Variants in CDH12 observed in about 807,000 individuals in gnomAD.
CDH12 encodes the protein cadherin-12.
CDH12 carries 41 observed loss-of-function variants against 74.1 expected under a neutral mutation model. The ratio of observed to expected loss-of-function variants is 0.55; its 90% confidence interval spans 0.43 to 0.72. CDH12 has a LOEUF of 0.72. Among genes scored for constraint, CDH12 ranks in the 30% least tolerant of loss-of-function variants. CDH12 has a pLI of 0.00. For missense variants in CDH12, 945 were observed against 977.2 expected (o/e 0.97, Z 0.44); for synonymous variants, 399 against 355.0 (o/e 1.12, Z -1.39).
intron 3 of CDH12, among the ~76,000 whole-genome samples, chr5:22,324,847 A>T (rs1739018513): frequency 6.6e-6 from 1 of 152,158 alleles, no homozygotes; most frequent in African/African-American, 2.4e-5. Context: ...CTAATTTGTA[A>T]TCAAATATAA....
intron 4 of CDH12, among the ~76,000 whole-genome samples, chr5:22,121,607 A>G (rs1360299042): frequency 6.6e-6 from 1 of 152,162 alleles, no homozygotes; most frequent in Admixed American, 6.5e-5. Flanking sequence ...ATTAACATTA[A>G]GTTTTTGTCT....
At chr5:22,771,865 C>T (rs187449426) in intron 1 of CDH12, among the ~76,000 whole-genome samples, 1 of 152,034 alleles carries the variant, frequency 6.6e-6, no homozygotes. Context: ...ACCTGCCAAC[C>T]TTTGCAATTA....
At chr5:22,129,882 T>C (rs1746088824) in intron 4 of CDH12, among the ~76,000 whole-genome samples, 1 of 152,072 alleles carries the variant, frequency 6.6e-6, no homozygotes, top group Non-Finnish European at 1.5e-5. Flanking sequence ...AGAATAATTG[T>C]AAAGATATGG....
chr5:21,853,486 T>C (rs574047541), intron 7 of CDH12, among the ~76,000 whole-genome samples: 12 of 151,708 alleles, frequency 7.9e-5, no homozygotes, highest in Non-Finnish European at 1.2e-4. Flanking sequence ...CTGGCCCCTA[T>C]TGGCTTAATG....
At chr5:21,833,489 T>G (rs1267535835) in intron 8 of CDH12, among the ~76,000 whole-genome samples, 4 of 107,850 alleles carry the variant, frequency 3.7e-5, no homozygotes, top group African/African-American at 1.4e-4. Context: ...ATATTATATA[T>G]CATATGTAAT....
intron 1 of CDH12, among the ~76,000 whole-genome samples, chr5:22,746,543 A>G (rs1049050961): frequency 6.6e-6 from 1 of 152,222 alleles, no homozygotes; most frequent in East Asian, 1.9e-4. Flanking sequence ...ACACCAAGAA[A>G]GAGTTAGACA....
intron 6 of CDH12, among the ~76,000 whole-genome samples, chr5:21,932,975 G>T (rs1754911106): frequency 6.7e-6 from 1 of 150,078 alleles, no homozygotes; most frequent in African/African-American, 2.5e-5. Context: ...ATTGTATCTA[G>T]TATCTCAGGA....
intron 4 of CDH12, among the ~76,000 whole-genome samples, chr5:22,200,776 TGAA>T (rs1256688721): frequency 6.6e-6 from 1 of 152,208 alleles, no homozygotes; most frequent in Non-Finnish European, 1.5e-5. Flanking sequence ...ATTTTTAATT[TGAA>T]GAAGATCACT....
At position 22,685,786 on chromosome 5, in the gene CDH12, T is replaced by A. The variant is rs114445002; in HGVS notation, c.-523+167272A>T. On this transcript the variant is annotated intron_variant, in intron 1 of 14. Coordinates refer to ENST00000382254, the MANE Select transcript of CDH12 (RefSeq NM_004061.5). Reference sequence around the variant, plus strand: ...TTGTGGATAGAACACATCGTGTTTATCCATTCATCAGTTGGTGGACATTTG... The same window carrying A: ...TTGTGGATAGAACACATCGTGTTTAACCATTCATCAGTTGGTGGACATTTG... 4.7e-4 allele frequency among the ~76,000 whole-genome samples: 72 copies of A among 152,348 alleles called. 1 individual carries two copies. Among genetic ancestry groups the A allele is most frequent in the African/African-American group, 1.7e-3 (70 of 41,588 alleles).
At position 22,180,616 on chromosome 5, in the gene CDH12, C is replaced by A. The variant is rs551673212; in HGVS notation, c.-187+31882G>T. On this transcript the variant is annotated intron_variant, in intron 4 of 14. Coordinates refer to ENST00000382254, the MANE Select transcript of CDH12 (RefSeq NM_004061.5). The stretch of plus-strand genomic sequence containing the variant: ...CAACCTCTGCCTCCCGGGTTTCAAG[C>A]GATTTTCCTGCCTTAGCCTCCGAGT... Among the ~76,000 whole-genome samples the A allele has an allele frequency of 1.4e-4, 21 of 151,980 alleles. No homozygotes were observed. The South Asian group carries it at 4.4e-3, about 32-fold the overall frequency.
intron 1 of CDH12, among the ~76,000 whole-genome samples, chr5:22,567,346 T>C (rs1739337412): frequency 6.6e-6 from 1 of 152,180 alleles, no homozygotes. Flanking sequence ...AGAAATATTA[T>C]TTCAGAAGAT....
intron 3 of CDH12, among the ~76,000 whole-genome samples, chr5:22,313,630 T>C (rs565122457): frequency 1.7e-4 from 26 of 152,266 alleles, no homozygotes; most frequent in African/African-American, 6.0e-4. Flanking sequence ...ATATACACAG[T>C]GGAACACTAG....
chr5:22,447,929 C>T (rs1453868915), intron 2 of CDH12, among the ~76,000 whole-genome samples: 1 of 143,192 alleles, frequency 7.0e-6, no homozygotes, highest in African/African-American at 2.6e-5. Context: ...ATCACTTGAG[C>T]CAGGAATTCA....
chr5:21,835,371 A>G (rs1017596762), intron 8 of CDH12, among the ~76,000 whole-genome samples: 13 of 151,630 alleles, frequency 8.6e-5, no homozygotes, highest in African/African-American at 1.2e-4. Flanking sequence ...GTGTGTGTAT[A>G]TATATATATA....
chr5:22,097,847 T>G (rs111426838), intron 4 of CDH12, among the ~76,000 whole-genome samples: 6,441 of 152,180 alleles, frequency 0.042, 466 homozygotes, highest in African/African-American at 0.15. Context: ...ACAGCACGCT[T>G]TGAGAAGATT....
intron 4 of CDH12, among the ~76,000 whole-genome samples, chr5:22,121,275 T>C (rs1745497422): frequency 6.6e-6 from 1 of 152,172 alleles, no homozygotes; most frequent in Admixed American, 6.5e-5. Flanking sequence ...AAGATAGAGA[T>C]AATATCTCCT....
rs560028845 is a variant in CDH12 at position 21,813,717 on chromosome 5, A to G, written c.1002+3228T>C. Among the ~76,000 whole-genome samples, 6 of 152,128 alleles carry G rather than the reference A, an allele frequency of 3.9e-5. No homozygotes were observed. In the South Asian group the frequency reaches 1.2e-3, roughly 32 times the overall value. ...CAGAGATTTTGAAATTGCTGCTCAAACTTTTAGGAACTCACATCACCCAAA... is the reference window on the plus strand; with the variant it reads ...CAGAGATTTTGAAATTGCTGCTCAAGCTTTTAGGAACTCACATCACCCAAA... On this transcript the variant is annotated intron_variant, in intron 9 of 14. Transcript: ENST00000382254.
chr5:22,267,265 T>C (rs1736169326), intron 3 of CDH12, among the ~76,000 whole-genome samples: 1 of 152,320 alleles, frequency 6.6e-6, no homozygotes, highest in East Asian at 1.9e-4. Context: ...TATGTTCTAT[T>C]GATCAACTGT....
At chr5:22,177,126 G>T (rs895398091) in intron 4 of CDH12, among the ~76,000 whole-genome samples, 1 of 152,094 alleles carries the variant, frequency 6.6e-6, no homozygotes, top group Non-Finnish European at 1.5e-5. Flanking sequence ...ATGAAACAGG[G>T]ATTTTGACTT....
Sources: allele counts gnomAD v4.1 joint callset (sites outside exome capture counted in the v4.1 genomes callset), GRCh38; gene constraint gnomAD v4.1.1; transcripts MANE v1.5; gene names NCBI Gene and HGNC (gene_info 2026-07-23, HGNC 2026-07-21).